The following EVC2 variants were observed in gnomAD, a reference collection of about 807,000 sequenced individuals.
EVC2 encodes the protein limbin.
In EVC2, 148 loss-of-function variants were observed where a neutral mutation model predicts 149.3. That is an observed-to-expected ratio of 0.99 (90% CI 0.87 to 1.14). The LOEUF (loss-of-function observed/expected upper bound fraction) is 1.14, where lower values mean the gene tolerates loss of function less well. EVC2 is among the 50% of genes most tolerant of loss of function. EVC2 has a pLI of 0.00. For synonymous variants in EVC2, 776 were observed against 649.9 expected (o/e 1.19, Z -2.95); for missense variants, 1,854 against 1,627.3 (o/e 1.14, Z -2.40).
In EVC2 at chr4:5,613,284, T is replaced by C. The variant is rs1322398886; in HGVS notation, c.2829+2138A>G. On this transcript the variant is annotated intron_variant, in intron 16 of 21. Transcript: ENST00000344408. This position sits in a 1 kb window ranked among gnomAD's most constrained non-coding sequence, Gnocchi z 4.6. Reference sequence around the variant, plus strand: ...AACCCTCTGGGTTCCCTCTGTGCACTGTGGCCTCCAGCACAGTCCAGGATA... The same window carrying C: ...AACCCTCTGGGTTCCCTCTGTGCACCGTGGCCTCCAGCACAGTCCAGGATA... 2.0e-5 allele frequency among the ~76,000 whole-genome samples: 3 copies of C among 152,160 alleles called. No individual in the cohort carries two copies. The highest frequency in any genetic ancestry group is 7.2e-5 in the African/African-American group (3 of 41,450).
In EVC2 at chr4:5,689,358, G is replaced by C; in HGVS notation, c.520-15C>G. On this transcript the variant is annotated splice_polypyrimidine_tract_variant and intron_variant, in intron 4 of 21. Coordinates refer to ENST00000344408, the MANE Select transcript of EVC2 (RefSeq NM_147127.5). ...GACCCAGACACCTAGGGCAGAAGGA[G>C]AAGGCATGAGGGCAGATTTGCTGAC... 6.2e-7 allele frequency: 1 copy of C among 1,613,770 alleles called. No individual in the cohort carries two copies. Among genetic ancestry groups the C allele is most frequent in the South Asian group, 1.1e-5 (1 of 91,036 alleles).
rs532184260 is a variant in EVC2, at chr4:5,637,441, TGAACGCTAAAGAGA to T, written c.1470+3059_1470+3072del. Among the ~76,000 whole-genome samples the T allele has an allele frequency of 4.8e-3, 731 of 152,262 alleles. 2 individuals carry two copies. Among genetic ancestry groups the T allele is most frequent in the Non-Finnish European group, 7.9e-3 (538 of 68,022 alleles). On this transcript the variant is annotated intron_variant, in intron 10 of 21. Coordinates refer to ENST00000344408, the MANE Select transcript of EVC2 (RefSeq NM_147127.5). This position sits in a 1 kb window ranked among gnomAD's most constrained non-coding sequence, Gnocchi z 4.4. ...CAGTCCCTACCTCACTGAGTTGTTG[TGAACGCTAAAGAGA>T]GTCAATGGGATGTGCTTGGAACAAT...
chr4:5,662,792 A>C (rs1718988477), intron 9 of EVC2, among the ~76,000 whole-genome samples: 2 of 151,652 alleles, frequency 1.3e-5, no homozygotes, highest in South Asian at 4.1e-4. Flanking sequence ...CTTTCTCAGA[A>C]GTAATTACTT....
At chr4:5,593,890 C>T (rs909704622) in intron 16 of EVC2, among the ~76,000 whole-genome samples, 14 of 152,208 alleles carry the variant, frequency 9.2e-5, no homozygotes, top group Non-Finnish European at 1.6e-4. Context: ...TTCCGAAGGG[C>T]TTAAAAAACG....
At chr4:5,650,876 C>A (rs149489732) in intron 9 of EVC2, among the ~76,000 whole-genome samples, 4 of 152,232 alleles carry the variant, frequency 2.6e-5, no homozygotes, top group Non-Finnish European at 5.9e-5. Context: ...ACGGCACACA[C>A]GAAGCACTTA....
chr4:5,676,222 G>A (rs1166361273), intron 7 of EVC2, among the ~76,000 whole-genome samples: 2 of 152,126 alleles, frequency 1.3e-5, no homozygotes, highest in East Asian at 1.9e-4. Flanking sequence ...GACAGAAAGG[G>A]GAAGACAACT....
rs547496498 is a variant in EVC2 at position 5,618,406 on chromosome 4, C to A, written c.2706+72G>T. ...AGATGGGCTCAGGCTGGGGAAGAGG[C>A]CAGACCCTGTAGGGCCAGCAGCTGG... On this transcript the variant is annotated intron_variant, in intron 15 of 21. Transcript: ENST00000344408. The surrounding 1 kb of genome is among the most constrained non-coding windows in gnomAD (Gnocchi z 4.4). 4.4e-6 allele frequency: 7 copies of A among 1,579,932 alleles called. No individual in the cohort carries two copies. In the African/African-American group the frequency reaches 8.1e-5, roughly 18 times the overall value.
At chr4:5,689,109 T>C (rs1326700935) in intron 5 of EVC2, 48 bp downstream of exon 5, 1 of 1,601,374 alleles carries the variant, frequency 6.2e-7, no homozygotes, top group Non-Finnish European at 8.5e-7. Context: ...GAAGTATCTG[T>C]ACATATTCTC....
At position 5,708,530 on chromosome 4, in the gene EVC2, C is replaced by G. The variant is rs1048547708; in HGVS notation, c.-17G>C. The G allele has an allele frequency of 3.4e-5, 48 of 1,429,354 alleles. No individual in the cohort carries two copies. The African/African-American group carries it at 6.6e-4, about 20-fold the overall frequency. The allele number at this position is 1,429,354 out of a possible 1,614,324, so 88.5% of individuals were successfully genotyped here. A position where few individuals can be genotyped will look rare whatever the true frequency, so the allele number is the denominator to read the frequency against. ...GGGGTCCATCGCCTGTCGGGACCCG[C>G]TACCTCAAAGCGGCGGGTGCCGCCG... On this transcript the variant is annotated 5_prime_UTR_variant, in exon 1 of 22. Transcript: ENST00000344408.
chr4:5,640,656 A>G lies in EVC2; in HGVS notation c.1328T>C (p.Ile443Thr), dbSNP rs1459733035. 3.1e-6 allele frequency: 5 copies of G among 1,613,820 alleles called. No individual in the cohort carries two copies. The highest frequency in any genetic ancestry group is 3.3e-5 in the Admixed American group (2 of 59,982). The change falls in exon 10 of 22, where the codon ATA becomes ACA. Residue 443 changes from isoleucine to threonine, a missense_variant. Transcript: ENST00000344408. This position sits in a 1 kb window ranked among gnomAD's most constrained non-coding sequence, Gnocchi z 4.6. Reference protein sequence around the residue: ...KKQFLLLENEIQEEYDRKMVA... With the variant: ...KKQFLLLENETQEEYDRKMVA... ...CATCTTCCGATCGTACTCCTCTTGT[A>G]TTTCATTTTCCAGCAATAGAAACTG...
intron 6 of EVC2, 96 bp downstream of exon 6, chr4:5,685,274 A>T: frequency 1.7e-6 from 2 of 1,187,360 alleles, no homozygotes; most frequent in Non-Finnish European, 1.3e-6. Flanking sequence ...TGAAGGAAGG[A>T]AGGAACTAAC....
chr4:5,697,523 G>A, intron 2 of EVC2, 70 bp downstream of exon 2: 1 of 1,474,878 alleles, frequency 6.8e-7, no homozygotes, highest in Admixed American at 1.7e-5. Context: ...GGAGCTGGAG[G>A]AAGGAGGGCT....
chr4:5,642,221 G>A (rs1263489693), intron 9 of EVC2, among the ~76,000 whole-genome samples: 2 of 152,088 alleles, frequency 1.3e-5, no homozygotes, highest in Non-Finnish European at 2.9e-5. Context: ...CCTTGCTATT[G>A]TAAATAGTGC....
intron 5 of EVC2, among the ~76,000 whole-genome samples, chr4:5,687,322 C>A (rs752310442): frequency 6.6e-6 from 1 of 152,094 alleles, no homozygotes; most frequent in Non-Finnish European, 1.5e-5. Context: ...ACCAGGAGCC[C>A]GGGAGCACTT....
At chr4:5,555,725 T>C (rs1026725382) in intron 21 of EVC2, among the ~76,000 whole-genome samples, 1 of 152,172 alleles carries the variant, frequency 6.6e-6, no homozygotes, top group African/African-American at 2.4e-5. Flanking sequence ...CTTCAGTAAT[T>C]CATAGATCAA....
chr4:5,609,990 G>A (rs148375245), intron 16 of EVC2, among the ~76,000 whole-genome samples: 1,794 of 152,284 alleles, frequency 0.012, 15 homozygotes, highest in Non-Finnish European at 0.017. Flanking sequence ...CAAGGCACAG[G>A]TCAGTATAGC....
intron 10 of EVC2, among the ~76,000 whole-genome samples, chr4:5,639,055 G>C (rs1383100340): frequency 6.6e-6 from 1 of 152,158 alleles, no homozygotes; most frequent in African/African-American, 2.4e-5. Context: ...AGGAGCAAGG[G>C]AGCAGGTGCA....
At chr4:5,705,976 A>G (rs570159421) in intron 1 of EVC2, among the ~76,000 whole-genome samples, 1 of 152,290 alleles carries the variant, frequency 6.6e-6, no homozygotes, top group South Asian at 2.1e-4. Context: ...CAAGCAGCCC[A>G]AACAATGTGG....
intron 16 of EVC2, among the ~76,000 whole-genome samples, chr4:5,596,506 G>T (rs1052829908): frequency 6.6e-6 from 1 of 152,140 alleles, no homozygotes; most frequent in Admixed American, 6.5e-5. Context: ...AAATAAAGAT[G>T]TTCTTTGAAA....
Sources: allele counts gnomAD v4.1 joint callset (sites outside exome capture counted in the v4.1 genomes callset), GRCh38; gene constraint gnomAD v4.1.1; non-coding constraint Gnocchi (gnomAD v3.1); transcripts MANE v1.5; gene names NCBI Gene and HGNC (gene_info 2026-07-23, HGNC 2026-07-21).